The following DEPDC5 variants were observed in gnomAD, a reference collection of about 807,000 sequenced individuals.
DEPDC5 encodes the protein GATOR1 complex protein DEPDC5.
DEPDC5 carries 73 observed loss-of-function variants against 217.3 expected under a neutral mutation model. The ratio of observed to expected loss-of-function variants is 0.34; its 90% CI spans 0.28 to 0.41. The LOEUF is 0.41. DEPDC5 is among the 10% of genes least tolerant of loss of function. The probability of loss-of-function intolerance (pLI) is 1.00; values close to 1 mark genes in which losing one functional copy is unlikely to be tolerated. For synonymous variants in DEPDC5, 733 were observed against 756.7 expected (o/e 0.97, Z 0.51); for missense variants, 1,675 against 2,070.1 (o/e 0.81, Z 3.70).
intron 38 of DEPDC5, among the ~76,000 whole-genome samples, chr22:31,887,375 C>T (rs1204333599): frequency 1.4e-5 from 2 of 138,500 alleles, no homozygotes; most frequent in African/African-American, 2.8e-5. Context: ...GCCGAGATTG[C>T]GCCATTGCAC....
At chr22:31,809,047 C>T (rs1020845479) in intron 18 of DEPDC5, among the ~76,000 whole-genome samples, 2 of 152,038 alleles carry the variant, frequency 1.3e-5, no homozygotes, top group African/African-American at 2.4e-5. Context: ...GGATTACAGG[C>T]GTGAACCACT....
chr22:31,854,890 C>T (rs1242710997), intron 31 of DEPDC5, among the ~76,000 whole-genome samples: 1 of 151,056 alleles, frequency 6.6e-6, no homozygotes, highest in East Asian at 1.9e-4. Context: ...TGAAGAGGAG[C>T]TTATACCTTA....
chr22:31,854,224 G>A (rs1489272067), intron 31 of DEPDC5, among the ~76,000 whole-genome samples: 2 of 152,230 alleles, frequency 1.3e-5, no homozygotes, highest in South Asian at 2.1e-4. Flanking sequence ...TAAGGGCAAG[G>A]ACAGGGTCAG....
intron 33 of DEPDC5, among the ~76,000 whole-genome samples, chr22:31,869,802 C>A (rs1478012194): frequency 1.3e-5 from 2 of 152,036 alleles, no homozygotes; most frequent in Non-Finnish European, 2.9e-5. Flanking sequence ...CATGGGGAGA[C>A]TTGAAAGTTT....
At chr22:31,878,228 G>A (rs961565256) in intron 37 of DEPDC5, among the ~76,000 whole-genome samples, 2 of 151,878 alleles carry the variant, frequency 1.3e-5, no homozygotes, top group African/African-American at 4.8e-5. Context: ...AGCAGCTAGT[G>A]CCACTCCCCA....
intron 32 of DEPDC5, chr22:31,858,123 G>C (rs1204244634): frequency 6.6e-6 from 1 of 152,182 alleles, no homozygotes; most frequent in Non-Finnish European, 1.5e-5. Context: ...CCTGAGCTTT[G>C]TATTTGGCCG....
At position 31,792,605 on chromosome 22, in the gene DEPDC5, CAAAAAA is replaced by C. The variant is rs61603320; in HGVS notation, c.695-118_695-113del. The C allele has an allele frequency of 5.9e-3, 906 of 153,628 alleles. 1 individual carries two copies. The highest frequency in any genetic ancestry group is 0.02 in the African/African-American group (229 of 11,354). 9.5% of individuals were successfully genotyped at this position (153,628 alleles called of 1,614,324 possible). ...TGGGTGACAGAGTGAGACCTTGTCT[CAAAAAA>C]AAAAAAAAAAAAAAAAAAAAAGACA... is the stretch of plus-strand genomic sequence containing the variant. On this transcript the variant is annotated intron_variant, in intron 11 of 42. Transcript: ENST00000651528.
intron 33 of DEPDC5, among the ~76,000 whole-genome samples, chr22:31,866,254 A>G (rs1272239004): frequency 1.3e-5 from 2 of 151,904 alleles, no homozygotes; most frequent in Non-Finnish European, 2.9e-5. Flanking sequence ...TTTTTTTTTA[A>G]TCAAACGCCA....
At chr22:31,792,850 T>A (rs918518058) in intron 12 of DEPDC5, 33 bp downstream of exon 12, 2 of 1,449,678 alleles carry the variant, frequency 1.4e-6, no homozygotes, top group Non-Finnish European at 1.8e-6. Context: ...ACTTTTTATT[T>A]ATTTATTAGT....
chr22:31,801,638 A>C (rs966346840), intron 14 of DEPDC5, among the ~76,000 whole-genome samples: 27 of 152,226 alleles, frequency 1.8e-4, no homozygotes, highest in Admixed American at 1.4e-3. Context: ...AGCAGGAATT[A>C]TGAGAGCCAT....
At chr22:31,781,282 T>G (rs2084415202) in intron 8 of DEPDC5, among the ~76,000 whole-genome samples, 1 of 151,876 alleles carries the variant, frequency 6.6e-6, no homozygotes, top group Admixed American at 6.6e-5. Flanking sequence ...GAAACAAGAC[T>G]TTCAGGTTTT....
At chr22:31,754,731 ACTT>A (rs1272364128) in intron 1 of DEPDC5, 128 bp from the exon 2 acceptor site, 4 of 620,514 alleles carry the variant, frequency 6.4e-6, no homozygotes, top group East Asian at 2.8e-5. Context: ...TGGAGGAGTG[ACTT>A]CTTCCGAGAG....
At chr22:31,898,580 G>A (rs1031381525) in intron 40 of DEPDC5, among the ~76,000 whole-genome samples, 1 of 152,182 alleles carries the variant, frequency 6.6e-6, no homozygotes, top group African/African-American at 2.4e-5. Flanking sequence ...TTGTAAGTCT[G>A]TGTCGTGATC....
chr22:31,875,186 T>G (rs2092955769), intron 36 of DEPDC5: 1 of 167,074 alleles, frequency 6.0e-6, no homozygotes, highest in Non-Finnish European at 1.5e-5. Flanking sequence ...GATTCTCAGT[T>G]CTCACTCTGA....
At chr22:31,792,630 A>AAG in intron 11 of DEPDC5, 115 bp from the exon 12 acceptor site, 2 of 614,986 alleles carry the variant, frequency 3.3e-6, no homozygotes, top group South Asian at 2.1e-5. Flanking sequence ...AAAAAAAAAA[A>AAG]AAGACAGTTA....
At chr22:31,799,509 G>T in intron 14 of DEPDC5, among the ~76,000 whole-genome samples, 1 of 146,928 alleles carries the variant, frequency 6.8e-6, no homozygotes. Flanking sequence ...CTGGGATGGA[G>T]TGTCGCTTTG....
chr22:31,836,815 C>G (rs776284372), intron 25 of DEPDC5, 157 bp from the exon 26 acceptor site: 10 of 644,608 alleles, frequency 1.6e-5, no homozygotes, highest in Non-Finnish European at 2.7e-5. Context: ...CTCTCTTTCT[C>G]CCTCCCCTAC....
rs567481884 is a variant in DEPDC5, at chr22:31,881,368, G to C, written c.4033+1616G>C. 1.4e-4 allele frequency among the ~76,000 whole-genome samples: 21 copies of C among 151,904 alleles called. No individual in the cohort carries two copies. In the South Asian group the frequency reaches 4.4e-3, roughly 32 times the overall value. On this transcript the variant is annotated intron_variant, in intron 38 of 42. Coordinates refer to ENST00000651528, the MANE Select transcript of DEPDC5 (RefSeq NM_001242896.3). ...GTGGCTCACTCCAGCATTGCCTGTT[G>C]CTGTGTGTGAGAAGTGAAGGGGTGG...
In DEPDC5 at chr22:31,808,108, A is replaced by T. The variant is rs181376459; in HGVS notation, c.1288-1503A>T. ...AACTTCTCTGCACCATGATTATTTT[A>T]TTTTTTTTTTGAGACAGAGTCTCGC... On this transcript the variant is annotated intron_variant, in intron 18 of 42. Transcript: ENST00000651528. Among the ~76,000 whole-genome samples the T allele has an allele frequency of 8.4e-3, 1,248 of 149,342 alleles. 8 individuals carry two copies. The highest frequency in any genetic ancestry group is 0.027 in the African/African-American group (1,102 of 40,728).
Sources: gnomAD v4.1 joint callset for allele counts (sites outside exome capture counted in the v4.1 genomes callset) on GRCh38, gnomAD v4.1.1 for gene constraint, MANE v1.5 for transcripts, NCBI Gene and HGNC (gene_info 2026-07-23, HGNC 2026-07-21) for gene names.